The following IFI27L1 variants were observed in gnomAD, a reference collection of about 807,000 sequenced individuals.
IFI27L1 encodes interferon alpha inducible protein 27 like 1.
A neutral mutation model predicts 9.2 loss-of-function variants in IFI27L1; 3 were observed. The observed-to-expected ratio is 0.32, with a 90% CI of 0.15 to 0.84. The LOEUF is 0.84. Among genes scored for constraint, IFI27L1 ranks in the 40% least tolerant of loss-of-function variants. The pLI is 0.56. For synonymous variants in IFI27L1, 53 were observed against 50.0 expected (o/e 1.06, Z -0.26); for missense variants, 133 against 134.2 (o/e 0.99, Z 0.05).
At chr14:94,097,005 C>T (rs1432612021) in intron 2 of IFI27L1, 40 bp downstream of exon 2, 30 of 1,563,548 alleles carry the variant, frequency 1.9e-5, no homozygotes, top group Middle Eastern at 3.4e-4. Context: ...CTGGTCCTTC[C>T]GAGGTGAATG....
chr14:94,082,788 T>G (rs928239227), intron 1 of IFI27L1, among the ~76,000 whole-genome samples: 1 of 152,240 alleles, frequency 6.6e-6, no homozygotes, highest in Admixed American at 6.5e-5. Flanking sequence ...TCTCAAAGTA[T>G]TATTGCTCAT....
chr14:94,089,454 G>A (rs1284357098), intron 1 of IFI27L1, among the ~76,000 whole-genome samples: 3 of 152,146 alleles, frequency 2.0e-5, no homozygotes, highest in Non-Finnish European at 2.9e-5. Context: ...GTGTCTTGTA[G>A]CATGCTAATG....
chr14:94,081,823 C>G (rs1360331789), intron 1 of IFI27L1, among the ~76,000 whole-genome samples: 1 of 152,178 alleles, frequency 6.6e-6, no homozygotes, highest in Non-Finnish European at 1.5e-5. Flanking sequence ...ACTGACAGGC[C>G]GTTCTTCCTT....
chr14:94,087,637 A>T (rs1886326389), intron 1 of IFI27L1, among the ~76,000 whole-genome samples: 1 of 151,972 alleles, frequency 6.6e-6, no homozygotes, highest in Non-Finnish European at 1.5e-5. Flanking sequence ...CGTGTTAGCC[A>T]GGATGGTCTC....
intron 1 of IFI27L1, among the ~76,000 whole-genome samples, chr14:94,095,195 T>A (rs1044264596): frequency 7.9e-5 from 12 of 152,130 alleles, no homozygotes; most frequent in Admixed American, 6.6e-4. Context: ...TGACAGCACT[T>A]GGCTAATTTT....
intron 2 of IFI27L1, 184 bp from the exon 3 acceptor site, chr14:94,100,555 G>T (rs1886854382): frequency 1.0e-6 from 1 of 985,472 alleles, no homozygotes; most frequent in Admixed American, 6.1e-5. Flanking sequence ...CCTGCAGAAG[G>T]TGCCACGTGC....
intron 1 of IFI27L1, among the ~76,000 whole-genome samples, chr14:94,084,288 G>C (rs940013229): frequency 1.3e-5 from 2 of 152,128 alleles, no homozygotes; most frequent in Non-Finnish European, 2.9e-5. Flanking sequence ...GATCGCTTGA[G>C]CTCAGGAGTT....
At chr14:94,081,929 TGAAA>T (rs1159306813) in intron 1 of IFI27L1, among the ~76,000 whole-genome samples, 95 of 152,228 alleles carry the variant, frequency 6.2e-4, no homozygotes, top group African/African-American at 2.2e-3. Context: ...AGTGTTCAAG[TGAAA>T]GAAAGAGTCG....
intron 1 of IFI27L1, among the ~76,000 whole-genome samples, chr14:94,095,599 C>G (rs1334561247): frequency 6.6e-6 from 1 of 152,146 alleles, no homozygotes; most frequent in Non-Finnish European, 1.5e-5. Flanking sequence ...TTTACTAATG[C>G]AGAAGTTGAA....
chr14:94,102,108 C>G, intron 4 of IFI27L1, 133 bp downstream of exon 4: 1 of 942,710 alleles, frequency 1.1e-6, no homozygotes, highest in East Asian at 2.5e-5. Flanking sequence ...GTCACTGTCC[C>G]CTCTTCTGGT....
chr14:94,101,831 G>A lies in IFI27L1; in HGVS notation c.79G>A (p.Val27Met), dbSNP rs1171391058. ...VVGGVVAVGTVLVALSAMGFT... is the reference protein window; with the variant it reads ...VVGGVVAVGTMLVALSAMGFT... ...TCCCGCAGTTGTGGCTGTGGGGACT[G>A]TGCTCGTGGCGCTCAGTGCCATGGG... The change falls in exon 4 of 5, where the codon GTG becomes ATG. Residue 27 changes from valine (V) to methionine (M), a missense_variant. Transcript: ENST00000555523. The A allele has an allele frequency of 6.2e-7, 1 of 1,614,134 alleles. No homozygotes were observed. Among genetic ancestry groups the A allele is most frequent in the African/African-American group, 1.3e-5 (1 of 74,940 alleles).
At chr14:94,092,433 C>T (rs1260228055) in intron 1 of IFI27L1, among the ~76,000 whole-genome samples, 2 of 152,016 alleles carry the variant, frequency 1.3e-5, no homozygotes, top group East Asian at 1.9e-4. Context: ...ATTGCTTGAA[C>T]CCGGGAGGTG....
In IFI27L1 at chr14:94,097,667, A is replaced by G. The variant is rs569592491; in HGVS notation, c.28+702A>G. On this transcript the variant is annotated intron_variant, in intron 2 of 4. Transcript: ENST00000555523. ...GAAGTATGAGGGATGGTCAGACTGG[A>G]TATTTCTGAAGGTGAATAAGCATTC... 8.5e-5 allele frequency: 60 copies of G among 702,276 alleles called. No homozygotes were observed. The East Asian group carries it at 1.4e-3, about 17-fold the overall frequency. The allele number at this position is 702,276 out of a possible 1,614,324, so 43.5% of individuals were successfully genotyped here.
chr14:94,092,195 G>A (rs1886504433), intron 1 of IFI27L1, among the ~76,000 whole-genome samples: 1 of 151,542 alleles, frequency 6.6e-6, no homozygotes, highest in Non-Finnish European at 1.5e-5. Flanking sequence ...TTGCGTTAGT[G>A]TACTATTGAT....
At chr14:94,100,685 C>T (rs1886859656) in intron 2 of IFI27L1, 54 bp from the exon 3 acceptor site, 2 of 1,607,252 alleles carry the variant, frequency 1.2e-6, no homozygotes, top group Admixed American at 3.3e-5. Flanking sequence ...AGTACCCACT[C>T]CCATAGGTTT....
At chr14:94,091,484 A>T (rs1323534240) in intron 1 of IFI27L1, among the ~76,000 whole-genome samples, 1 of 152,228 alleles carries the variant, frequency 6.6e-6, no homozygotes, top group East Asian at 1.9e-4. Flanking sequence ...CATGCTTCCT[A>T]TATGATTTTT....
chr14:94,097,769 G>A, intron 2 of IFI27L1: 1 of 693,668 alleles, frequency 1.4e-6, no homozygotes, highest in South Asian at 1.5e-5. Context: ...GAGCTACTGA[G>A]AGAACGGGGC....
At chr14:94,099,223 G>T (rs1257506092) in intron 2 of IFI27L1, among the ~76,000 whole-genome samples, 1 of 152,222 alleles carries the variant, frequency 6.6e-6, no homozygotes, top group Non-Finnish European at 1.5e-5. Flanking sequence ...GAGGCACACA[G>T]GTGGCAGGTG....
At chr14:94,090,004 T>G (rs1595390442) in intron 1 of IFI27L1, among the ~76,000 whole-genome samples, 1 of 152,160 alleles carries the variant, frequency 6.6e-6, no homozygotes, top group East Asian at 1.9e-4. Context: ...ATCCTACATT[T>G]CTATACAAAG....
Sources: gnomAD v4.1 joint callset for allele counts (sites outside exome capture counted in the v4.1 genomes callset) on GRCh38, gnomAD v4.1.1 for gene constraint, MANE v1.5 for transcripts, NCBI Gene and HGNC (gene_info 2026-07-23, HGNC 2026-07-21) for gene names.